Variants in KCNH7 observed in about 807,000 individuals in gnomAD.
KCNH7 encodes voltage-gated inwardly rectifying potassium channel KCNH7.
In KCNH7, 49 loss-of-function variants were observed where a neutral mutation model predicts 120.8. The observed-to-expected ratio is 0.41, with a 90% CI of 0.32 to 0.51. KCNH7 has a LOEUF of 0.51. Ranked by LOEUF, KCNH7 falls within the 20% of genes least tolerant of loss-of-function variation. KCNH7 has a pLI of 0.38. For synonymous variants in KCNH7, 547 were observed against 516.1 expected (o/e 1.06, Z -0.81); for missense variants, 1,097 against 1,446.6 (o/e 0.76, Z 3.92).
intron 3 of KCNH7, among the ~76,000 whole-genome samples, chr2:162,529,474 A>T (rs1304344220): frequency 6.6e-6 from 1 of 151,990 alleles, no homozygotes; most frequent in Non-Finnish European, 1.5e-5. Context: ...GTGTGCATGT[A>T]TCTGTGTGTG....
chr2:162,832,500 T>C (rs1046265864), intron 2 of KCNH7, among the ~76,000 whole-genome samples: 3 of 152,142 alleles, frequency 2.0e-5, no homozygotes, highest in African/African-American at 7.2e-5. Flanking sequence ...AAATAGCAAT[T>C]AATAATAAAT....
intron 2 of KCNH7, among the ~76,000 whole-genome samples, chr2:162,665,115 T>C (rs914429936): frequency 6.6e-6 from 1 of 152,208 alleles, no homozygotes; most frequent in Admixed American, 6.5e-5. Flanking sequence ...AAAAATTCTT[T>C]GGATTTTGCT....
intron 3 of KCNH7, among the ~76,000 whole-genome samples, chr2:162,521,215 T>C (rs1262572322): frequency 6.6e-6 from 1 of 151,920 alleles, no homozygotes; most frequent in African/African-American, 2.4e-5. Context: ...TACTTAGCAT[T>C]GAGTCCCAGC....
intron 2 of KCNH7, among the ~76,000 whole-genome samples, chr2:162,814,295 T>A (rs1280085128): frequency 6.6e-6 from 1 of 152,192 alleles, no homozygotes; most frequent in Non-Finnish European, 1.5e-5. Flanking sequence ...TAATTCCTTA[T>A]CATCTTAAAA....
chr2:162,792,762 GGTGTGTGTGTGTGTGTGTGTGTGTGTGT>G (rs59397474), intron 2 of KCNH7, among the ~76,000 whole-genome samples: 2 of 124,936 alleles, frequency 1.6e-5, no homozygotes, highest in Non-Finnish European at 3.3e-5. Context: ...TCTTTTGAAT[GGTGTGTGTGTGTGTGTGTGTGTGTGTGT>G]GTGTGTGTGT....
rs759803008 is a variant in KCNH7 at position 162,400,408 on chromosome 2, C to T, written c.2188G>A (p.Asp730Asn). 1 of 1,612,116 alleles carries T rather than the reference C, an allele frequency of 6.2e-7. No homozygotes were observed. The highest frequency in any genetic ancestry group is 8.5e-7 in the Non-Finnish European group (1 of 1,178,720). The change falls in exon 10 of 16, where the codon GAC becomes AAC. Residue 730 changes from aspartate (D) to asparagine (N), a missense_variant. Physicochemically the swap from Asp to Asn is conservative, Grantham distance 23. Transcript: ENST00000332142. The stretch of plus-strand genomic sequence containing the variant: ...GTCTGGTTGAGATGTAGACAAATGT[C>T]TGCTTGTAAGCATTCTGGGAAACCC... ...LKGFPECLQA[D>N]ICLHLNQTLL... is the part of the protein sequence containing the mutation.
At chr2:162,447,526 A>G (rs1558950108) in intron 6 of KCNH7, among the ~76,000 whole-genome samples, 1 of 152,110 alleles carries the variant, frequency 6.6e-6, no homozygotes, top group Non-Finnish European at 1.5e-5. Flanking sequence ...AATGCTATGA[A>G]TATCCCACAC....
intron 2 of KCNH7, among the ~76,000 whole-genome samples, chr2:162,663,013 G>A (rs1373690815): frequency 6.6e-6 from 1 of 152,156 alleles, no homozygotes; most frequent in Non-Finnish European, 1.5e-5. Context: ...GGTGAGAATA[G>A]GGATATAAAA....
intron 3 of KCNH7, 31 bp downstream of exon 3, chr2:162,536,894 G>T (rs374176303): frequency 6.3e-7 from 1 of 1,579,334 alleles, no homozygotes. Context: ...GAATTATCAA[G>T]AGCATTGAGT....
At chr2:162,766,160 TC>T (rs1369268639) in intron 2 of KCNH7, among the ~76,000 whole-genome samples, 1 of 152,182 alleles carries the variant, frequency 6.6e-6, no homozygotes, top group Admixed American at 6.5e-5. Context: ...TACTTCATTT[TC>T]TTTTTAAATG....
chr2:162,835,409 T>C (rs1368203632), intron 2 of KCNH7, among the ~76,000 whole-genome samples: 1 of 152,078 alleles, frequency 6.6e-6, no homozygotes, highest in African/African-American at 2.4e-5. Flanking sequence ...AGTCATTATA[T>C]GATATAGGCT....
At chr2:162,593,664 C>A (rs1027305740) in intron 2 of KCNH7, among the ~76,000 whole-genome samples, 1 of 151,924 alleles carries the variant, frequency 6.6e-6, no homozygotes, top group Non-Finnish European at 1.5e-5. Context: ...CAGGTCAAAT[C>A]TTCAGTCTTG....
At chr2:162,432,248 A>G (rs939278164) in intron 8 of KCNH7, among the ~76,000 whole-genome samples, 1 of 152,028 alleles carries the variant, frequency 6.6e-6, no homozygotes, top group Non-Finnish European at 1.5e-5. Context: ...TCTGGAATAC[A>G]TATTTCTATT....
chr2:162,805,369 A>G (rs1249235627), intron 2 of KCNH7, among the ~76,000 whole-genome samples: 1 of 152,122 alleles, frequency 6.6e-6, no homozygotes, highest in African/African-American at 2.4e-5. Context: ...TCTATAAGGA[A>G]CTCAAAAAAA....
At chr2:162,752,880 A>C (rs1187294342) in intron 2 of KCNH7, among the ~76,000 whole-genome samples, 3 of 132,330 alleles carry the variant, frequency 2.3e-5, no homozygotes, top group Non-Finnish European at 4.9e-5. Context: ...CAGCCTGGGC[A>C]AAAGAGCAAG....
intron 2 of KCNH7, among the ~76,000 whole-genome samples, chr2:162,577,292 T>C (rs1055886566): frequency 5.3e-5 from 1 of 18,812 alleles, no homozygotes; most frequent in Non-Finnish European, 1.3e-4. Flanking sequence ...GATCTATCTG[T>C]CTATCTATCT....
At chr2:162,833,970 G>C (rs1002459343) in intron 2 of KCNH7, among the ~76,000 whole-genome samples, 2 of 152,078 alleles carry the variant, frequency 1.3e-5, no homozygotes, top group African/African-American at 4.8e-5. Context: ...AGCAAAAGAA[G>C]CATTTACTGT....
intron 6 of KCNH7, among the ~76,000 whole-genome samples, chr2:162,452,659 G>A (rs1688811372): frequency 6.6e-6 from 1 of 151,994 alleles, no homozygotes; most frequent in South Asian, 2.1e-4. Context: ...TGCTCATTAA[G>A]TTAGATTAAA....
rs10200356 is a variant in KCNH7 at position 162,403,235 on chromosome 2, G to T, written c.2155-2794C>A. 4.2e-3 allele frequency among the ~76,000 whole-genome samples: 632 copies of T among 151,972 alleles called. 2 individuals are homozygous for T. The highest frequency in any genetic ancestry group is 0.014 in the African/African-American group (598 of 41,504). ...CAAAAATCTATTATGTTTTGTCTTT[G>T]GTCTGCCTGATAGGGTATTCTCCAC... is the stretch of plus-strand genomic sequence containing the variant. On this transcript the variant is annotated intron_variant, in intron 9 of 15. Coordinates refer to ENST00000332142, the MANE Select transcript of KCNH7 (RefSeq NM_033272.4).
Sources: allele counts gnomAD v4.1 joint callset (sites outside exome capture counted in the v4.1 genomes callset), GRCh38; gene constraint gnomAD v4.1.1; transcripts MANE v1.5; gene names NCBI Gene and HGNC (gene_info 2026-07-23, HGNC 2026-07-21).